Variants in MEMO1 observed in about 807,000 individuals in gnomAD.
MEMO1 encodes the protein protein MEMO1.
Under a neutral mutation model 45.2 loss-of-function variants are expected in MEMO1, and 6 were observed. That is an observed-to-expected ratio of 0.13 (90% CI 0.07 to 0.26). The LOEUF is 0.26. Ranked by LOEUF, MEMO1 falls within the 10% of genes least tolerant of loss-of-function variation. MEMO1 has a pLI of 1.00. For synonymous variants in MEMO1, 78 were observed against 124.3 expected (o/e 0.63, Z 2.48); for missense variants, 184 against 370.5 (o/e 0.50, Z 4.13).
intron 2 of MEMO1, among the ~76,000 whole-genome samples, chr2:31,953,644 A>G (rs1667096194): frequency 6.6e-6 from 1 of 151,860 alleles, no homozygotes; most frequent in East Asian, 2.0e-4. Context: ...TTTAGTAGAG[A>G]TGGGGTTTCA....
At chr2:31,912,649 AAAGTGTAT>A (rs1680762262) in intron 6 of MEMO1, among the ~76,000 whole-genome samples, 2 of 152,170 alleles carry the variant, frequency 1.3e-5, no homozygotes, top group Non-Finnish European at 2.9e-5. Flanking sequence ...AAAACAGAAC[AAAGTGTAT>A]AAGATATGAT....
intron 6 of MEMO1, among the ~76,000 whole-genome samples, chr2:31,897,644 C>T (rs1238842507): frequency 6.6e-6 from 1 of 152,126 alleles, no homozygotes; most frequent in East Asian, 1.9e-4. Context: ...GATTTTTGCA[C>T]TGATATTCAT....
At chr2:31,914,772 A>C (rs1156479527) in intron 6 of MEMO1, among the ~76,000 whole-genome samples, 1 of 151,398 alleles carries the variant, frequency 6.6e-6, no homozygotes, top group Admixed American at 6.6e-5. Flanking sequence ...TGAGGAATAA[A>C]GTAAGCTCCC....
At chr2:31,869,979 G>GA in intron 8 of MEMO1, 27 bp from the exon 9 acceptor site, 3 of 1,342,346 alleles carry the variant, frequency 2.2e-6, no homozygotes, top group Admixed American at 2.8e-5. Flanking sequence ...AGAAGAGGAA[G>GA]AAAAAAATAA....
intron 2 of MEMO1, among the ~76,000 whole-genome samples, chr2:31,989,306 A>G (rs895976563): frequency 4.6e-5 from 7 of 152,182 alleles, no homozygotes; most frequent in Non-Finnish European, 1.0e-4. Context: ...AACAATATTT[A>G]AGCTTCGAAA....
At chr2:31,991,293 C>A (rs1442623421) in intron 2 of MEMO1, among the ~76,000 whole-genome samples, 1 of 152,096 alleles carries the variant, frequency 6.6e-6, no homozygotes, top group Non-Finnish European at 1.5e-5. Context: ...CAGGAATGGG[C>A]CGGGCGCGGT....
intron 2 of MEMO1, among the ~76,000 whole-genome samples, chr2:32,007,509 ATG>A (rs1461627692): frequency 1.3e-5 from 2 of 152,214 alleles, no homozygotes; most frequent in Non-Finnish European, 2.9e-5. Flanking sequence ...AAGAAGATAT[ATG>A]TGTGTGTATA....
rs555653483 is a variant in MEMO1 at position 31,978,309 on chromosome 2, C to T, written c.61+31878G>A. ...GGCTATGGCAGGAGAATCACTTGAA[C>T]CCAGGAGGAGGAGGTTGCAATGAGC... is the stretch of plus-strand genomic sequence containing the variant. On this transcript the variant is annotated intron_variant, in intron 2 of 9. Coordinates refer to ENST00000404530, the MANE Select transcript of MEMO1 (RefSeq NM_001301833.4). 3.2e-3 allele frequency among the ~76,000 whole-genome samples: 488 copies of T among 152,206 alleles called. 3 individuals are homozygous for T. The highest frequency in any genetic ancestry group is 5.5e-3 in the Non-Finnish European group (372 of 67,998).
At chr2:31,963,077 T>C in intron 2 of MEMO1, 1 of 1,365,536 alleles carries the variant, frequency 7.3e-7, no homozygotes, top group Non-Finnish European at 9.6e-7. Flanking sequence ...TACTGGCTCT[T>C]CCTAAGTCTT....
intron 6 of MEMO1, chr2:31,893,198 TA>T: frequency 3.5e-6 from 1 of 283,988 alleles, no homozygotes; most frequent in Non-Finnish European, 6.4e-6. Context: ...TGCATAAAGC[TA>T]AATTTAGGGC....
chr2:32,010,379 C>T (rs1355236466), intron 1 of MEMO1, 115 bp from the exon 2 acceptor site: 2 of 407,056 alleles, frequency 4.9e-6, no homozygotes, highest in East Asian at 5.1e-5. Context: ...GGGAGGGGAT[C>T]AGCCCGGCCC....
chr2:31,999,969 T>C (rs1308482431), intron 2 of MEMO1, among the ~76,000 whole-genome samples: 3 of 150,896 alleles, frequency 2.0e-5, no homozygotes, highest in African/African-American at 4.9e-5. Context: ...TGCAGCCTCC[T>C]GGACTCAGGC....
intron 6 of MEMO1, among the ~76,000 whole-genome samples, chr2:31,916,239 G>T (rs1282084876): frequency 2.6e-5 from 4 of 151,814 alleles, no homozygotes; most frequent in Non-Finnish European, 5.9e-5. Flanking sequence ...GGGTTTGTTT[G>T]TTTGTTTGAG....
chr2:31,980,028 G>GA (rs899139767), intron 2 of MEMO1, among the ~76,000 whole-genome samples: 1 of 146,812 alleles, frequency 6.8e-6, no homozygotes, highest in African/African-American at 2.5e-5. Flanking sequence ...AAAAAAGAAA[G>GA]AAAAAAACTG....
rs555489487 is a variant in MEMO1, at chr2:31,911,372, G to T, written c.437+6554C>A. ...AGTGGTTACTAGGCACTCAGGGAGA[G>T]GGGAGAAGAAGGCGATGAATAGGTG... On this transcript the variant is annotated intron_variant, in intron 6 of 9. Transcript: ENST00000404530. Among the ~76,000 whole-genome samples the T allele has an allele frequency of 6.6e-5, 10 of 152,292 alleles. No homozygotes were observed. In the East Asian group the frequency reaches 1.7e-3, roughly 26 times the overall value.
chr2:31,906,137 T>C (rs1450912906), intron 6 of MEMO1, among the ~76,000 whole-genome samples: 3 of 151,472 alleles, frequency 2.0e-5, no homozygotes, highest in Non-Finnish European at 4.4e-5. Context: ...ACCTGGCTAA[T>C]TTTTTTGTAT....
intron 7 of MEMO1, among the ~76,000 whole-genome samples, chr2:31,891,072 A>G (rs1205192541): frequency 1.3e-5 from 2 of 152,190 alleles, no homozygotes; most frequent in Non-Finnish European, 2.9e-5. Context: ...ATCAGTGGGT[A>G]AGACACATAA....
At position 31,918,059 on chromosome 2, in the gene MEMO1, G is replaced by T. The variant is rs568514003; in HGVS notation, c.326-22C>A. 33 of 1,521,450 alleles carry T rather than the reference G, an allele frequency of 2.2e-5. No homozygotes were observed. In the South Asian group the frequency reaches 3.7e-4, roughly 17 times the overall value. 94.2% of individuals were successfully genotyped at this position (1,521,450 alleles called of 1,614,324 possible). A position where few individuals can be genotyped will look rare whatever the true frequency, so the allele number is the denominator to read the frequency against. Reference sequence around the variant, plus strand: ...TAAACTAAAGAGATTTCAAAATACAGTAAAATAAATATATTAATGTATATC... The same window carrying T: ...TAAACTAAAGAGATTTCAAAATACATTAAAATAAATATATTAATGTATATC... On this transcript the variant is annotated intron_variant, in intron 5 of 9. Coordinates refer to ENST00000404530, the MANE Select transcript of MEMO1 (RefSeq NM_001301833.4).
At chr2:31,909,636 C>T (rs1052002608) in intron 6 of MEMO1, among the ~76,000 whole-genome samples, 13 of 152,114 alleles carry the variant, frequency 8.5e-5, no homozygotes, top group African/African-American at 2.9e-4. Flanking sequence ...GGATAGATAT[C>T]CCATGTTCAT....
Sources: gnomAD v4.1 joint callset for allele counts (sites outside exome capture counted in the v4.1 genomes callset) on GRCh38, gnomAD v4.1.1 for gene constraint, MANE v1.5 for transcripts, NCBI Gene and HGNC (gene_info 2026-07-23, HGNC 2026-07-21) for gene names.